FANCA: variants seen among roughly 807,000 people sequenced by gnomAD.
FANCA encodes the protein FA complementation group A.
In FANCA, 236 loss-of-function variants were observed where a neutral mutation model predicts 194.3. The ratio of observed to expected loss-of-function variants is 1.21; its 90% CI spans 1.09 to 1.35. The LOEUF (loss-of-function observed/expected upper bound fraction) is 1.35. FANCA is among the 40% of genes most tolerant of loss of function. The probability of loss-of-function intolerance (pLI) is 0.00; values close to 1 mark genes in which losing one functional copy is unlikely to be tolerated. For synonymous variants in FANCA, 1,014 were observed against 715.8 expected (o/e 1.42, Z -6.65); for missense variants, 2,628 against 1,813.9 (o/e 1.45, Z -8.15).
At chr16:89,798,567 C>A in intron 10 of FANCA, 2 of 1,136,304 alleles carry the variant, frequency 1.8e-6, no homozygotes, top group Non-Finnish European at 2.2e-6. Flanking sequence ...TAGAGGGAAG[C>A]AAACCCCAGA....
At chr16:89,772,455 G>T (rs1366143793) in intron 22 of FANCA, among the ~76,000 whole-genome samples, 2 of 152,200 alleles carry the variant, frequency 1.3e-5, no homozygotes, top group East Asian at 3.9e-4. Context: ...GCAGTGAGCT[G>T]AGATCACGCC....
Position 89,779,929 on chromosome 16 carries a change from T to G in FANCA, c.1655A>C (p.Glu552Ala). ...EPHSQALQDV[E>A]KAIMVFEHTG... ...ATGCTCAAACACCATGATGGCCTTT[T>G]CAACATCCTGAAGAGCTTGGCTGTG... Residue 552 changes from glutamate to alanine, a missense_variant, in exon 18 of 43, where the codon GAA becomes GCA. Coordinates refer to ENST00000389301, the MANE Select transcript of FANCA (RefSeq NM_000135.4). 1 of 1,614,208 alleles carries G rather than the reference T, an allele frequency of 6.2e-7. No homozygotes were observed. The highest frequency in any genetic ancestry group is 8.5e-7 in the Non-Finnish European group (1 of 1,180,044).
At chr16:89,805,907 G>A (rs1438542084) in intron 6 of FANCA, among the ~76,000 whole-genome samples, 3 of 151,694 alleles carry the variant, frequency 2.0e-5, no homozygotes, top group East Asian at 3.9e-4. Context: ...TTTGTTTTAT[G>A]GCCTGAACCT....
rs753101174 is a variant in FANCA at position 89,815,865 on chromosome 16, G to A, written c.189+12C>T. On this transcript the variant is annotated intron_variant, in intron 2 of 42. Transcript: ENST00000389301. Reference sequence around the variant, plus strand: ...TAAATCTGCCCGCAGACGGACACCAGCTTCCTCTTACCTCAAGCAAAAGGG... The same window carrying A: ...TAAATCTGCCCGCAGACGGACACCAACTTCCTCTTACCTCAAGCAAAAGGG... 1 of 1,595,928 alleles carries A rather than the reference G, an allele frequency of 6.3e-7. No homozygotes were observed. Among genetic ancestry groups the A allele is most frequent in the African/African-American group, 1.3e-5 (1 of 74,554 alleles).
chr16:89,796,116 T>G, intron 10 of FANCA, 98 bp from the exon 11 acceptor site: 3 of 921,982 alleles, frequency 3.3e-6, no homozygotes, highest in Non-Finnish European at 5.3e-6. Context: ...CATCCCTTCT[T>G]TAAGCAAGGA....
chr16:89,816,118 C>T lies in FANCA; in HGVS notation c.80-132G>A, dbSNP rs1000869542. On this transcript the variant is annotated intron_variant, in intron 1 of 42. Transcript: ENST00000389301. ...CCGAAGAGGGGCCGGGGCTCCTCCCCAGGGCGCAGGTCTCGGGAAACTAAC... is the reference window on the plus strand; with the variant it reads ...CCGAAGAGGGGCCGGGGCTCCTCCCTAGGGCGCAGGTCTCGGGAAACTAAC... 9 of 726,686 alleles carry T rather than the reference C, an allele frequency of 1.2e-5. No individual in the cohort carries two copies. In the African/African-American group the frequency reaches 1.4e-4, roughly 11 times the overall value. The allele number at this position is 726,686 out of a possible 1,614,324, so 45.0% of individuals were successfully genotyped here. A position where few individuals can be genotyped will look rare whatever the true frequency, so the allele number is the denominator to read the frequency against.
Position 89,738,591 on chromosome 16 carries a change from G to A in FANCA, c.*10C>T. 1 of 1,612,840 alleles carries A rather than the reference G, an allele frequency of 6.2e-7. No individual in the cohort carries two copies. Among genetic ancestry groups the A allele is most frequent in the South Asian group, 1.1e-5 (1 of 91,038 alleles). On this transcript the variant is annotated 3_prime_UTR_variant, in exon 43 of 43. Transcript: ENST00000389301. ...ACGGGAGCTGGGCTGGTGTGCAGTG[G>A]CAGGTCCCGTCAGAAGAGATGAGGC...
intron 22 of FANCA, among the ~76,000 whole-genome samples, chr16:89,772,262 G>C (rs1373162866): frequency 2.6e-5 from 4 of 152,226 alleles, no homozygotes; most frequent in Admixed American, 2.0e-4. Flanking sequence ...TCAACCTCTT[G>C]CTTAAGCACT....
At chr16:89,750,277 G>T (rs990542200) in intron 31 of FANCA, among the ~76,000 whole-genome samples, 3 of 151,554 alleles carry the variant, frequency 2.0e-5, no homozygotes, top group African/African-American at 7.3e-5. Context: ...GTCAGGAGAT[G>T]GAGACCATCC....
intron 23 of FANCA, among the ~76,000 whole-genome samples, chr16:89,771,140 C>G (rs2039309733): frequency 7.7e-6 from 1 of 129,540 alleles, no homozygotes; most frequent in South Asian, 2.3e-4. Context: ...GCCTGGGCAA[C>G]AGAGAAGACT....
chr16:89,786,528 G>C (rs2039903750), intron 14 of FANCA, among the ~76,000 whole-genome samples: 2 of 152,128 alleles, frequency 1.3e-5, no homozygotes, highest in Admixed American at 1.3e-4. Flanking sequence ...TGTTGGCCAG[G>C]CTGGTCTCAA....
intron 30 of FANCA, among the ~76,000 whole-genome samples, chr16:89,755,907 G>A (rs1021256859): frequency 6.6e-5 from 10 of 150,612 alleles, no homozygotes; most frequent in Non-Finnish European, 1.0e-4. Flanking sequence ...TAGGCCACAC[G>A]GCACGGCCCA....
At chr16:89,813,696 G>C (rs1307997357) in intron 3 of FANCA, among the ~76,000 whole-genome samples, 2 of 152,094 alleles carry the variant, frequency 1.3e-5, no homozygotes, top group African/African-American at 4.8e-5. Flanking sequence ...GCCTCCCAAA[G>C]TGCTGCGATT....
chr16:89,779,721 C>G, intron 18 of FANCA, 148 bp downstream of exon 18: 1 of 736,202 alleles, frequency 1.4e-6, no homozygotes, highest in South Asian at 1.5e-5. Context: ...ATGGGACACA[C>G]TCCAAAGAGC....
At chr16:89,801,343 CAAAA>C (rs60802306) in intron 8 of FANCA, among the ~76,000 whole-genome samples, 3 of 100,328 alleles carry the variant, frequency 3.0e-5, no homozygotes, top group Admixed American at 1.1e-4. Flanking sequence ...GACTCTGTCT[CAAAA>C]AAAAAAAAAA....
chr16:89,808,968 C>T (rs1352716675), intron 5 of FANCA, among the ~76,000 whole-genome samples: 2 of 151,764 alleles, frequency 1.3e-5, no homozygotes, highest in East Asian at 1.9e-4. Context: ...TGCAGTGGCG[C>T]CATCTCGGGT....
In FANCA at chr16:89,770,343, G is replaced by A. The variant is rs751859131; in HGVS notation, c.2223-84C>T. 62 of 1,298,186 alleles carry A rather than the reference G, an allele frequency of 4.8e-5. No homozygotes were observed. In the Middle Eastern group the frequency reaches 1.0e-3, roughly 21 times the overall value. 80.4% of individuals were successfully genotyped at this position (1,298,186 alleles called of 1,614,324 possible). ...ACAGCTAATCCAACCACCAGCGGCC[G>A]AAGAAAGAGCCAAGCTGTTCCCCAA... On this transcript the variant is annotated intron_variant, in intron 24 of 42. Transcript: ENST00000389301.
At chr16:89,804,125 T>A (rs2040551891) in intron 7 of FANCA, among the ~76,000 whole-genome samples, 1 of 152,204 alleles carries the variant, frequency 6.6e-6, no homozygotes, top group South Asian at 2.1e-4. Flanking sequence ...TTGATTTAAA[T>A]TTAACCTATC....
In FANCA at chr16:89,752,121, G is replaced by A. The variant is rs17233420; in HGVS notation, c.3066+17C>T. The A allele has an allele frequency of 1.9e-6, 3 of 1,607,470 alleles. No individual in the cohort carries two copies. The highest frequency in any genetic ancestry group is 2.2e-5 in the East Asian group (1 of 44,866). ...AAATGAAGTGAATGCACTGAGTTGT[G>A]GCACCCTCAAACTCACCTGCAATCT... On this transcript the variant is annotated intron_variant, in intron 31 of 42. Transcript: ENST00000389301.
Sources: allele counts gnomAD v4.1 joint callset (sites outside exome capture counted in the v4.1 genomes callset), GRCh38; gene constraint gnomAD v4.1.1; transcripts MANE v1.5; gene names NCBI Gene and HGNC (gene_info 2026-07-23, HGNC 2026-07-21).